The following SLC71A2 variants were observed in gnomAD, a reference collection of about 807,000 sequenced individuals.
SLC71A2 encodes the protein hippocampus abundant transcript-like 1.
At chr9:94,444,474 C>T in the SLC71A2 span, among the ~76,000 whole-genome samples, 1 of 152,148 alleles carries the variant, frequency 6.6e-6, no homozygotes, top group Non-Finnish European at 1.5e-5. Flanking sequence ...AAATGACCAC[C>T]AAATGATAAA....
At chr9:94,399,778 A>G in the SLC71A2 span, among the ~76,000 whole-genome samples, 2 of 150,660 alleles carry the variant, frequency 1.3e-5, no homozygotes, top group Admixed American at 6.6e-5. Flanking sequence ...AAAGCCAATC[A>G]CTGAGGTGAG....
chr9:94,458,413 G>A, the SLC71A2 span: 4 of 1,613,540 alleles, frequency 2.5e-6, no homozygotes, highest in Middle Eastern at 3.3e-4. Flanking sequence ...TGTTCCATGT[G>A]GAACTGACTG....
chr9:94,431,007 C>G, the SLC71A2 span, among the ~76,000 whole-genome samples: 5 of 152,082 alleles, frequency 3.3e-5, no homozygotes, highest in Non-Finnish European at 5.9e-5. Flanking sequence ...TTGTACTGAA[C>G]AACATACTTA....
At chr9:94,433,590 A>G in the SLC71A2 span, among the ~76,000 whole-genome samples, 1 of 151,136 alleles carries the variant, frequency 6.6e-6, no homozygotes, top group African/African-American at 2.5e-5. Context: ...CACTGGATAC[A>G]TAAACAAGTG....
At chr9:94,431,186 C>A in the SLC71A2 span, among the ~76,000 whole-genome samples, 5 of 151,852 alleles carry the variant, frequency 3.3e-5, no homozygotes, top group African/African-American at 1.2e-4. Flanking sequence ...GGTGGCGGGC[C>A]CCTGTAGTCC....
chr9:94,375,227 T>A, the SLC71A2 span, among the ~76,000 whole-genome samples: 1 of 151,942 alleles, frequency 6.6e-6, no homozygotes, highest in African/African-American at 2.4e-5. Flanking sequence ...ATAACAGTTT[T>A]CCTGGCGCAG....
the SLC71A2 span, among the ~76,000 whole-genome samples, chr9:94,379,089 C>CTTTTTTTTTTTTTTT: frequency 7.3e-4 from 61 of 84,064 alleles, 1 homozygote; most frequent in South Asian, 4.3e-3. Flanking sequence ...TGTGCATTTC[C>CTTTTTTTTTTTTTTT]TTTTTTTTTT....
the SLC71A2 span, among the ~76,000 whole-genome samples, chr9:94,382,227 A>G: frequency 8.5e-4 from 130 of 152,048 alleles, no homozygotes; most frequent in Non-Finnish European, 1.2e-3. Context: ...GGGTCTTACT[A>G]TGTTGCCCAG....
chr9:94,454,096 G>GCT, the SLC71A2 span: 1 of 1,505,330 alleles, frequency 6.6e-7, no homozygotes, highest in South Asian at 1.1e-5. Flanking sequence ...AGATTCTCGT[G>GCT]AACTGCCAGA....
the SLC71A2 span, chr9:94,433,087 C>T: frequency 2.9e-6 from 1 of 339,336 alleles, no homozygotes; most frequent in Non-Finnish European, 5.8e-6. Context: ...CAGCCAGTAA[C>T]TTGGCCTTCC....
chr9:94,438,387 G>C, the SLC71A2 span: 4 of 1,613,980 alleles, frequency 2.5e-6, no homozygotes, highest in Non-Finnish European at 3.4e-6. Context: ...CCTTTGCTTT[G>C]GTTTCCTCTC....
At chr9:94,392,628 G>A in the SLC71A2 span, among the ~76,000 whole-genome samples, 2 of 152,046 alleles carry the variant, frequency 1.3e-5, no homozygotes, top group Non-Finnish European at 2.9e-5. Context: ...AGCCTCCCAA[G>A]TAGCTGGGAC....
chr9:94,436,962 G>A, the SLC71A2 span, among the ~76,000 whole-genome samples: 4 of 152,176 alleles, frequency 2.6e-5, no homozygotes, highest in Admixed American at 1.3e-4. Flanking sequence ...AGAGAAGATA[G>A]ACAAATAACA....
At chr9:94,459,127 TTCTTTG>T in the SLC71A2 span, 1 of 1,604,040 alleles carries the variant, frequency 6.2e-7, no homozygotes, top group Non-Finnish European at 8.5e-7. Context: ...ACTAACTGTA[TTCTTTG>T]TCTCCACTTG....
chr9:94,456,295 A>G, the SLC71A2 span: 8 of 1,613,998 alleles, frequency 5.0e-6, no homozygotes, highest in Admixed American at 3.3e-5. Flanking sequence ...GTTTCCGGCA[A>G]TCAGTGCCCT....
chr9:94,449,045 A>G, the SLC71A2 span, among the ~76,000 whole-genome samples: 1 of 152,230 alleles, frequency 6.6e-6, no homozygotes, highest in Non-Finnish European at 1.5e-5. Flanking sequence ...TAATTTGTGC[A>G]TTACATTACA....
At chr9:94,397,736 T>C in the SLC71A2 span, among the ~76,000 whole-genome samples, 2 of 152,198 alleles carry the variant, frequency 1.3e-5, no homozygotes, top group East Asian at 1.9e-4. Flanking sequence ...GTAGAATGTC[T>C]CTCAATTGAG....
the SLC71A2 span, among the ~76,000 whole-genome samples, chr9:94,448,374 C>G: frequency 6.6e-6 from 1 of 152,180 alleles, no homozygotes; most frequent in Non-Finnish European, 1.5e-5. Context: ...CCAAAAACTT[C>G]CCCTTTCAAC....
chr9:94,447,282 C>T, the SLC71A2 span, among the ~76,000 whole-genome samples: 28 of 151,776 alleles, frequency 1.8e-4, no homozygotes, highest in South Asian at 3.5e-3. Flanking sequence ...TGAGTTCAAG[C>T]GATTCTCCTG....
Sources: gnomAD v4.1 joint callset for allele counts (sites outside exome capture counted in the v4.1 genomes callset) on GRCh38, gnomAD v4.1.1 for gene constraint, MANE v1.5 for transcripts, NCBI Gene and HGNC (gene_info 2026-07-23, HGNC 2026-07-21) for gene names.